PBX1: variants seen among roughly 807,000 people sequenced by gnomAD.
PBX1 encodes the protein PBX homeobox 1.
In PBX1, 6 loss-of-function variants were observed where a neutral mutation model predicts 53.4. The observed-to-expected ratio is 0.11, with a 90% confidence interval of 0.06 to 0.22. The LOEUF is 0.22. Among genes scored for constraint, PBX1 ranks in the 10% least tolerant of loss-of-function variants. The pLI is 1.00. For synonymous variants in PBX1, 204 were observed against 212.3 expected, an observed-to-expected ratio of 0.96 and a Z score of 0.34; for missense variants, 251 against 551.4, an observed-to-expected ratio of 0.46 and a Z score of 5.46.
intron 2 of PBX1, among the ~76,000 whole-genome samples, chr1:164,691,284 G>A (rs1662469863): frequency 6.6e-6 from 1 of 152,182 alleles, no homozygotes; most frequent in African/African-American, 2.4e-5. Context: ...AAAGTGCTGG[G>A]GTTACAGGCA....
At chr1:164,622,786 A>C (rs113980966) in intron 2 of PBX1, among the ~76,000 whole-genome samples, 1 of 150,148 alleles carries the variant, frequency 6.7e-6, no homozygotes, top group African/African-American at 2.5e-5. Context: ...ACACACTGAC[A>C]CATGCTTGCT....
At chr1:164,625,420 GTTC>G (rs897952019) in intron 2 of PBX1, among the ~76,000 whole-genome samples, 19 of 152,270 alleles carry the variant, frequency 1.2e-4, no homozygotes, top group South Asian at 2.1e-4. Context: ...CATTGAGGAA[GTTC>G]TTCTTCTCTC....
intron 2 of PBX1, among the ~76,000 whole-genome samples, chr1:164,791,136 T>G (rs1188571901): frequency 6.6e-6 from 1 of 152,210 alleles, no homozygotes; most frequent in Non-Finnish European, 1.5e-5. Flanking sequence ...TTGAAAACAC[T>G]TTTTATGTTC....
chr1:164,807,793 T>C (rs1224656777), intron 5 of PBX1, 116 bp downstream of exon 5: 50 of 1,205,598 alleles, frequency 4.1e-5, no homozygotes, highest in Non-Finnish European at 5.4e-5. Flanking sequence ...CCATCAGCTA[T>C]AGCCTTAAAA....
chr1:164,634,060 C>T (rs1257390110), intron 2 of PBX1, among the ~76,000 whole-genome samples: 1 of 152,212 alleles, frequency 6.6e-6, no homozygotes, highest in Non-Finnish European at 1.5e-5. Flanking sequence ...CAGTTTCTTC[C>T]TTGTGAGCCA....
At chr1:164,573,654 C>G (rs1237900592) in intron 2 of PBX1, among the ~76,000 whole-genome samples, 1 of 151,974 alleles carries the variant, frequency 6.6e-6, no homozygotes, top group African/African-American at 2.4e-5. Context: ...ACTACACACC[C>G]TGCTAATTTT....
chr1:164,690,926 C>T (rs1173188191), intron 2 of PBX1, among the ~76,000 whole-genome samples: 2 of 151,436 alleles, frequency 1.3e-5, no homozygotes, highest in South Asian at 2.1e-4. Context: ...CCCTGAGTGC[C>T]CAAATGAGGG....
At chr1:164,885,213 TC>T (rs1672750607) in intron 2 of PBX1, among the ~76,000 whole-genome samples, 3 of 152,176 alleles carry the variant, frequency 2.0e-5, no homozygotes, top group African/African-American at 7.2e-5. Context: ...TAATCTGTGC[TC>T]CATAACTATC....
intron 2 of PBX1, among the ~76,000 whole-genome samples, chr1:164,715,913 G>A (rs1664057108): frequency 6.6e-6 from 1 of 152,160 alleles, no homozygotes; most frequent in African/African-American, 2.4e-5. Context: ...ACTATGAGAT[G>A]ATGGCTTACA....
At chr1:164,880,868 T>A (rs2102465129) in intron 2 of PBX1, among the ~76,000 whole-genome samples, 1 of 152,300 alleles carries the variant, frequency 6.6e-6, no homozygotes. Flanking sequence ...GCATTACTGA[T>A]AAGGACAGTT....
chr1:164,879,264 G>GAAAC (rs1429075778), intron 2 of PBX1, among the ~76,000 whole-genome samples: 1 of 152,186 alleles, frequency 6.6e-6, no homozygotes, highest in African/African-American at 2.4e-5. Flanking sequence ...TCACCTTTGA[G>GAAAC]AAACACCTAT....
chr1:164,598,733 G>A (rs1210962336), intron 2 of PBX1, among the ~76,000 whole-genome samples: 1 of 152,180 alleles, frequency 6.6e-6, no homozygotes, highest in African/African-American at 2.4e-5. Flanking sequence ...TTTTAGAAGA[G>A]CTACCTGGGC....
At chr1:164,774,859 G>A (rs1667566625) in intron 2 of PBX1, among the ~76,000 whole-genome samples, 2 of 152,170 alleles carry the variant, frequency 1.3e-5, no homozygotes, top group Non-Finnish European at 2.9e-5. Flanking sequence ...GGCCCAGCAG[G>A]AATATACAGT....
chr1:164,848,972 A>T lies in PBX1; in HGVS notation c.*2296A>T. Reference sequence around the variant, plus strand: ...GGCACTAGAAAGGTTGTGTCTACTAACTTCAGCCCTAATCAGAACAGATGC... The same window carrying T: ...GGCACTAGAAAGGTTGTGTCTACTATCTTCAGCCCTAATCAGAACAGATGC... On this transcript the variant is annotated 3_prime_UTR_variant, in exon 9 of 9. Transcript: ENST00000420696. 1 of 1,090,660 alleles carries T rather than the reference A, an allele frequency of 9.2e-7. No homozygotes were observed. Among genetic ancestry groups the T allele is most frequent in the Admixed American group, 5.1e-5 (1 of 19,516 alleles). The allele number at this position is 1,090,660 out of a possible 1,614,324, so 67.6% of individuals were successfully genotyped here.
At chr1:164,667,783 C>A (rs1359686883) in intron 2 of PBX1, among the ~76,000 whole-genome samples, 1 of 152,172 alleles carries the variant, frequency 6.6e-6, no homozygotes, top group East Asian at 1.9e-4. Context: ...CTACCAGCAG[C>A]CCCATCTTGA....
intron 2 of PBX1, among the ~76,000 whole-genome samples, chr1:164,627,491 T>C (rs888242771): frequency 1.3e-5 from 2 of 152,134 alleles, no homozygotes; most frequent in African/African-American, 4.8e-5. Flanking sequence ...TTTGGCATGG[T>C]AGAGTCAGAG....
At chr1:164,843,377 G>T (rs1671400770) in intron 8 of PBX1, among the ~76,000 whole-genome samples, 2 of 152,144 alleles carry the variant, frequency 1.3e-5, no homozygotes, top group South Asian at 4.1e-4. Context: ...GTCATAGCTG[G>T]CATATCCTGG....
At chr1:164,777,455 A>C (rs1010808120) in intron 2 of PBX1, among the ~76,000 whole-genome samples, 2 of 152,192 alleles carry the variant, frequency 1.3e-5, no homozygotes, top group African/African-American at 2.4e-5. Flanking sequence ...GGAGGTTTTA[A>C]GGGTCGAGAG....
intron 2 of PBX1, among the ~76,000 whole-genome samples, chr1:164,704,300 T>G (rs1210703107): frequency 6.6e-6 from 1 of 152,190 alleles, no homozygotes; most frequent in Non-Finnish European, 1.5e-5. Context: ...TATAAAACTT[T>G]ATTGCTCTAG....
Sources: allele counts gnomAD v4.1 joint callset (sites outside exome capture counted in the v4.1 genomes callset), GRCh38; gene constraint gnomAD v4.1.1; transcripts MANE v1.5; gene names NCBI Gene and HGNC (gene_info 2026-07-23, HGNC 2026-07-21).